Variants in ZNF800 observed in about 807,000 individuals in gnomAD.
ZNF800 encodes zinc finger protein 800.
ZNF800 carries 13 observed loss-of-function variants against 59.5 expected under a neutral mutation model. The observed-to-expected ratio is 0.22, with a 90% CI of 0.14 to 0.35. The LOEUF (loss-of-function observed/expected upper bound fraction) is 0.35. Ranked by LOEUF, ZNF800 falls within the 10% of genes least tolerant of loss-of-function variation. The pLI is 1.00. For missense variants in ZNF800, 621 were observed against 783.7 expected, an observed-to-expected ratio of 0.79 and a Z score of 2.48; for synonymous variants, 266 against 265.7, an observed-to-expected ratio of 1.00 and a Z score of -0.01.
rs753594117 is a variant in ZNF800 at position 127,391,491 on chromosome 7, G to C, written c.61+6C>G. The C allele has an allele frequency of 2.5e-6, 4 of 1,614,084 alleles. No individual in the cohort carries two copies. In the South Asian group the frequency reaches 4.4e-5, roughly 18 times the overall value. The stretch of plus-strand genomic sequence containing the variant: ...GCAAAGCAACTGCGGACGAAGAGGG[G>C]TCTACCTGGTTCACAGCATCCGTGA... On this transcript the variant is annotated splice_donor_region_variant and intron_variant, in intron 2 of 5. Coordinates refer to ENST00000265827, the MANE Select transcript of ZNF800 (RefSeq NM_176814.5).
intron 1 of ZNF800, among the ~76,000 whole-genome samples, chr7:127,352,916 AC>A (rs1192364829): frequency 3.3e-5 from 5 of 149,808 alleles, no homozygotes; most frequent in African/African-American, 1.2e-4. Flanking sequence ...ACACACACAC[AC>A]AATAACCATT....
exon 2 of ZNF800, chr7:127,347,910 C>A (rs1210611302): frequency 6.7e-6 from 1 of 149,330 alleles, no homozygotes; most frequent in East Asian, 2.0e-4. Context: ...AGCTCTCGGG[C>A]GGCGCCGCCG....
rs761592573 is a variant in ZNF800 at position 127,374,856 on chromosome 7, G to C, written c.480C>G (p.Ser160Arg). The C allele has an allele frequency of 6.2e-7, 1 of 1,613,740 alleles. No individual in the cohort carries two copies. The highest frequency in any genetic ancestry group is 1.3e-5 in the African/African-American group (1 of 74,888). ...TDNPIEVTESSSTPEQTEVQI... is the reference protein window; with the variant it reads ...TDNPIEVTESRSTPEQTEVQI... Reference sequence around the variant, plus strand: ...GAACTTCGGTTTGTTCAGGAGTACTGCTTGACTCTGTGACTTCAATAGGAT... The same window carrying C: ...GAACTTCGGTTTGTTCAGGAGTACTCCTTGACTCTGTGACTTCAATAGGAT... Residue 160 changes from serine (S) to arginine (R), a missense_variant, in exon 5 of 6, where the codon AGC becomes AGG. This residue lies in a region of ZNF800 where 218 missense variants were observed against 230.8 expected (regional missense o/e 0.94). Coordinates refer to ENST00000265827, the MANE Select transcript of ZNF800 (RefSeq NM_176814.5).
chr7:127,368,168 A>G (rs938813097), downstream of ZNF800, among the ~76,000 whole-genome samples: 2 of 152,170 alleles, frequency 1.3e-5, no homozygotes, highest in African/African-American at 2.4e-5. Context: ...TCAGAGGAAT[A>G]GGGTATAGAA....
chr7:127,364,910 A>C (rs1319470060), intron 1 of ZNF800, among the ~76,000 whole-genome samples: 1 of 152,260 alleles, frequency 6.6e-6, no homozygotes, highest in Non-Finnish European at 1.5e-5. Context: ...GAAAAGTTTG[A>C]AGCAAGCAAG....
downstream of ZNF800, among the ~76,000 whole-genome samples, chr7:127,368,667 G>C (rs1800562424): frequency 6.6e-6 from 1 of 152,016 alleles, no homozygotes; most frequent in African/African-American, 2.4e-5. Flanking sequence ...CTTCACAACA[G>C]GGAATGATAA....
At chr7:127,373,224 C>T (rs1187598318) in intron 5 of ZNF800, 118 bp downstream of exon 5, 1 of 1,484,182 alleles carries the variant, frequency 6.7e-7, no homozygotes, top group South Asian at 1.4e-5. Flanking sequence ...GTTCCCATTG[C>T]CATGAGATAT....
At chr7:127,383,531 G>C (rs902914205) in intron 3 of ZNF800, among the ~76,000 whole-genome samples, 9 of 152,142 alleles carry the variant, frequency 5.9e-5, no homozygotes, top group Admixed American at 1.3e-4. Context: ...GAGTAGAGTG[G>C]AATAGGAAGA....
intron 5 of ZNF800, chr7:127,372,831 G>C (rs2117098167): frequency 1.0e-6 from 1 of 985,122 alleles, no homozygotes; most frequent in African/African-American, 1.7e-5. Flanking sequence ...TTTTTTCTGA[G>C]TGCAGCATTT....
chr7:127,387,917 AACACACACACAC>A (rs141731563), intron 2 of ZNF800, among the ~76,000 whole-genome samples: 61 of 147,832 alleles, frequency 4.1e-4, no homozygotes, highest in South Asian at 2.0e-3. Context: ...ATTAATTAAG[AACACACACACAC>A]ACACACACAC....
At chr7:127,376,376 T>A (rs1346576873) in intron 4 of ZNF800, among the ~76,000 whole-genome samples, 1 of 151,870 alleles carries the variant, frequency 6.6e-6, no homozygotes, top group Non-Finnish European at 1.5e-5. Flanking sequence ...AAGAGTTAAA[T>A]CCATAAACAA....
Position 127,392,047 on chromosome 7 carries a change from G to C in ZNF800, c.-59+13C>G, listed in dbSNP as rs1801342522. Reference sequence around the variant, plus strand: ...GGAGACCCCGTCCCCACAACCAAGTGCGCCCAACTTACTCAACTCTTAGGG... The same window carrying C: ...GGAGACCCCGTCCCCACAACCAAGTCCGCCCAACTTACTCAACTCTTAGGG... On this transcript the variant is annotated intron_variant, in intron 1 of 5. Coordinates refer to ENST00000265827, the MANE Select transcript of ZNF800 (RefSeq NM_176814.5). The C allele has an allele frequency of 2.6e-6, 1 of 389,088 alleles. No homozygotes were observed. The allele number at this position is 389,088 out of a possible 1,614,324, so 24.1% of individuals were successfully genotyped here.
rs968055287 is a variant in ZNF800 at position 127,377,896 on chromosome 7, C to A, written c.158-567G>T. On this transcript the variant is annotated intron_variant, in intron 3 of 5. Transcript: ENST00000265827. The surrounding 1 kb of genome is among the most constrained non-coding windows in gnomAD (Gnocchi z 4.7). ...AGCTCAAATTACTTCAGGTTCTGGG[C>A]CAACATGGGATTATGGCTATTTAGC... 3.3e-5 allele frequency among the ~76,000 whole-genome samples: 5 copies of A among 151,970 alleles called. No homozygotes were observed. Among genetic ancestry groups the A allele is most frequent in the African/African-American group, 1.2e-4 (5 of 41,420 alleles).
At chr7:127,391,460 T>C (rs899279651) in intron 2 of ZNF800, 37 bp downstream of exon 2, 48 of 1,604,808 alleles carry the variant, frequency 3.0e-5, no homozygotes, top group East Asian at 8.9e-5. Flanking sequence ...GTGGCTCTGA[T>C]GGAGGGCAAA....
At chr7:127,362,729 A>G (rs1034068780) in intron 1 of ZNF800, 6 of 152,200 alleles carry the variant, frequency 3.9e-5, no homozygotes, top group Non-Finnish European at 8.8e-5. Flanking sequence ...GGAAAGGAAC[A>G]TGAAACAAAC....
At chr7:127,350,672 A>G (rs557254953) in intron 1 of ZNF800, among the ~76,000 whole-genome samples, 3 of 152,342 alleles carry the variant, frequency 2.0e-5, no homozygotes, top group Admixed American at 6.5e-5. Flanking sequence ...AGACTTCTGG[A>G]AAGTCAGCAG....
In ZNF800 at chr7:127,371,573, A is replaced by C; in HGVS notation, c.*241T>G. 2.7e-6 allele frequency: 1 copy of C among 376,530 alleles called. No individual in the cohort carries two copies. Among genetic ancestry groups the C allele is most frequent in the Admixed American group, 4.6e-5 (1 of 21,920 alleles). 23.3% of individuals were successfully genotyped at this position (376,530 alleles called of 1,614,324 possible). On this transcript the variant is annotated 3_prime_UTR_variant, in exon 6 of 6. Coordinates refer to ENST00000265827, the MANE Select transcript of ZNF800 (RefSeq NM_176814.5). Reference sequence around the variant, plus strand: ...AAGGTCAAGGGTGGATAGCTGATGGACTGTGATGACAACATGTAATATCAC... The same window carrying C: ...AAGGTCAAGGGTGGATAGCTGATGGCCTGTGATGACAACATGTAATATCAC...
At chr7:127,378,557 A>G (rs1458852723) in intron 3 of ZNF800, among the ~76,000 whole-genome samples, 3 of 152,112 alleles carry the variant, frequency 2.0e-5, no homozygotes, top group African/African-American at 7.2e-5. Context: ...TGGGACTACT[A>G]AAGAGTATAA....
chr7:127,375,266 C>T (rs1002656774), intron 4 of ZNF800, among the ~76,000 whole-genome samples: 1 of 152,040 alleles, frequency 6.6e-6, no homozygotes, highest in African/African-American at 2.4e-5. Context: ...CATATATAAT[C>T]TGAAGGGCTA....
Sources: gnomAD v4.1 joint callset for allele counts (sites outside exome capture counted in the v4.1 genomes callset) on GRCh38, gnomAD v4.1.1 for gene constraint, gnomAD v4.1.1 regional missense constraint, Gnocchi (gnomAD v3.1) non-coding constraint, MANE v1.5 for transcripts, NCBI Gene and HGNC (gene_info 2026-07-23, HGNC 2026-07-21) for gene names.